Variants in PTPRD observed in about 807,000 individuals in gnomAD.
PTPRD encodes the protein receptor-type tyrosine-protein phosphatase delta.
In PTPRD, 34 loss-of-function variants were observed where a neutral mutation model predicts 214.5. The ratio of observed to expected loss-of-function variants is 0.16; its 90% CI spans 0.12 to 0.21. The LOEUF is 0.21. PTPRD is among the 10% of genes least tolerant of loss of function. PTPRD has a pLI of 1.00. For missense variants in PTPRD, 2,545 were observed against 2,398.7 expected, an observed-to-expected ratio of 1.06 and a Z score of -1.27; for synonymous variants, 1,128 against 845.7, an observed-to-expected ratio of 1.33 and a Z score of -5.79.
At chr9:9,894,029 A>C (rs2074220986) in intron 5 of PTPRD, among the ~76,000 whole-genome samples, 1 of 152,132 alleles carries the variant, frequency 6.6e-6, no homozygotes, top group East Asian at 1.9e-4. Context: ...GCTCAGGCTG[A>C]TATCAAACTT....
chr9:9,547,968 A>T (rs1177037593), intron 8 of PTPRD, among the ~76,000 whole-genome samples: 1 of 152,108 alleles, frequency 6.6e-6, no homozygotes, highest in Non-Finnish European at 1.5e-5. Context: ...TCTCACAAAA[A>T]ATGCAAGACA....
intron 11 of PTPRD, among the ~76,000 whole-genome samples, chr9:8,741,125 C>A (rs1304843731): frequency 6.6e-6 from 1 of 151,620 alleles, no homozygotes; most frequent in Non-Finnish European, 1.5e-5. Context: ...TCAAGGATGG[C>A]AAAATGACAT....
chr9:9,520,200 T>C (rs1444623047), intron 8 of PTPRD, among the ~76,000 whole-genome samples: 1 of 150,624 alleles, frequency 6.6e-6, no homozygotes, highest in Non-Finnish European at 1.5e-5. Context: ...ATTTTTAATA[T>C]AATGTTCTCT....
intron 2 of PTPRD, among the ~76,000 whole-genome samples, chr9:10,454,526 C>T (rs1014337801): frequency 1.9e-4 from 29 of 151,700 alleles, no homozygotes; most frequent in Non-Finnish European, 3.3e-4. Context: ...TTGTAACTCA[C>T]AGTAGACTAT....
At chr9:9,505,406 C>T (rs1485971371) in intron 8 of PTPRD, among the ~76,000 whole-genome samples, 1 of 151,340 alleles carries the variant, frequency 6.6e-6, no homozygotes, top group African/African-American at 2.4e-5. Flanking sequence ...ATTCATTGCT[C>T]AATATAGGAT....
intron 7 of PTPRD, among the ~76,000 whole-genome samples, chr9:9,668,829 T>A (rs1378837416): frequency 6.6e-6 from 1 of 152,182 alleles, no homozygotes; most frequent in East Asian, 1.9e-4. Context: ...AATTTTCTCC[T>A]GCATCTCACA....
intron 14 of PTPRD, among the ~76,000 whole-genome samples, chr9:8,554,223 A>G (rs781585689): frequency 5.9e-5 from 9 of 152,108 alleles, no homozygotes; most frequent in Non-Finnish European, 1.2e-4. Flanking sequence ...CACAGATTAT[A>G]GTTGGGGAAG....
chr9:9,505,926 T>C (rs2096560107), intron 8 of PTPRD, among the ~76,000 whole-genome samples: 1 of 151,148 alleles, frequency 6.6e-6, no homozygotes, highest in South Asian at 2.1e-4. Context: ...AACTCTTAAA[T>C]CGGAAATACT....
chr9:10,182,118 G>A (rs1024266476), intron 3 of PTPRD, among the ~76,000 whole-genome samples: 4 of 150,004 alleles, frequency 2.7e-5, no homozygotes, highest in African/African-American at 9.8e-5. Flanking sequence ...AAAAAATCCG[G>A]GTGTGGTGGT....
At chr9:9,958,384 A>G (rs986967939) in intron 4 of PTPRD, among the ~76,000 whole-genome samples, 1 of 152,154 alleles carries the variant, frequency 6.6e-6, no homozygotes, top group African/African-American at 2.4e-5. Flanking sequence ...ACAAAAAATT[A>G]GCTGGGCGTG....
intron 2 of PTPRD, among the ~76,000 whole-genome samples, chr9:10,399,147 C>T (rs983908345): frequency 5.3e-5 from 8 of 151,862 alleles, no homozygotes; most frequent in African/African-American, 9.7e-5. Flanking sequence ...TATCACCAAA[C>T]GAAATATACT....
At chr9:8,556,284 C>T (rs1176037956) in intron 14 of PTPRD, among the ~76,000 whole-genome samples, 1 of 152,176 alleles carries the variant, frequency 6.6e-6, no homozygotes, top group Non-Finnish European at 1.5e-5. Flanking sequence ...TAATTTGGGT[C>T]ATGTTTGATT....
chr9:8,709,579 G>C (rs567750754), intron 12 of PTPRD, among the ~76,000 whole-genome samples: 1 of 151,262 alleles, frequency 6.6e-6, no homozygotes, highest in South Asian at 2.1e-4. Context: ...GATGTAAAGT[G>C]TTCTCATAAC....
intron 3 of PTPRD, among the ~76,000 whole-genome samples, chr9:10,256,058 A>G (rs1468543323): frequency 6.6e-6 from 1 of 152,192 alleles, no homozygotes; most frequent in Non-Finnish European, 1.5e-5. Flanking sequence ...ACTACTGTAA[A>G]CTGCATATGT....
At chr9:10,063,390 T>C (rs2097814046) in intron 3 of PTPRD, among the ~76,000 whole-genome samples, 1 of 152,038 alleles carries the variant, frequency 6.6e-6, no homozygotes, top group Non-Finnish European at 1.5e-5. Flanking sequence ...ACATTTAAAG[T>C]ATCTATTGAT....
At chr9:8,580,201 C>T (rs753707391) in intron 14 of PTPRD, among the ~76,000 whole-genome samples, 10 of 152,064 alleles carry the variant, frequency 6.6e-5, no homozygotes, top group African/African-American at 9.7e-5. Context: ...ACTAGTTTGC[C>T]TTTGGAAAGA....
chr9:9,457,069 A>G (rs1234500124), intron 8 of PTPRD, among the ~76,000 whole-genome samples: 1 of 151,974 alleles, frequency 6.6e-6, no homozygotes, highest in African/African-American at 2.4e-5. Flanking sequence ...TCCTAGGATC[A>G]GTAAGAAAAT....
intron 9 of PTPRD, among the ~76,000 whole-genome samples, chr9:9,295,965 A>T (rs1309954552): frequency 2.0e-5 from 3 of 151,818 alleles, no homozygotes; most frequent in Non-Finnish European, 2.9e-5. Flanking sequence ...CTGGAAATTA[A>T]ATTTTAAAAA....
chr9:8,481,054 G>A (rs1356616982), intron 30 of PTPRD, among the ~76,000 whole-genome samples: 1 of 144,690 alleles, frequency 6.9e-6, no homozygotes, highest in African/African-American at 2.6e-5. Flanking sequence ...GCAGGAGAAT[G>A]ACCTGAACCC....
Sources: gnomAD v4.1 joint callset for allele counts (sites outside exome capture counted in the v4.1 genomes callset) on GRCh38, gnomAD v4.1.1 for gene constraint, MANE v1.5 for transcripts, NCBI Gene and HGNC (gene_info 2026-07-23, HGNC 2026-07-21) for gene names.